The following CNNM2 variants were observed in gnomAD, a reference collection of about 807,000 sequenced individuals.
The protein encoded by CNNM2 is cyclin and CBS domain divalent metal cation transport mediator 2.
In CNNM2, 12 loss-of-function variants were observed where a neutral mutation model predicts 66.9. The observed-to-expected ratio is 0.18, with a 90% CI of 0.11 to 0.29. The LOEUF (loss-of-function observed/expected upper bound fraction) is 0.29, where lower values mean the gene tolerates loss of function less well. CNNM2 is among the 10% of genes least tolerant of loss of function. CNNM2 has a pLI of 1.00. For synonymous variants in CNNM2, 557 were observed against 501.8 expected (o/e 1.11, Z -1.47); for missense variants, 705 against 1,167.7 (o/e 0.60, Z 5.77).
intron 1 of CNNM2, among the ~76,000 whole-genome samples, chr10:102,977,776 G>A (rs903215694): frequency 2.6e-5 from 4 of 152,128 alleles, no homozygotes; most frequent in Admixed American, 6.6e-5. Context: ...AGCCAAGAGC[G>A]AGACTCTGTC....
chr10:103,054,609 T>G lies in CNNM2; in HGVS notation c.1903+143T>G. On this transcript the variant is annotated intron_variant, in intron 3 of 7. Transcript: ENST00000369878. This position sits in a 1 kb window ranked among gnomAD's most constrained non-coding sequence, Gnocchi z 5.2. ...ACTTTTGTGTTTTGTTTTTTTTGTT[T>G]TTTTGTTTTGTTTTGTTTTTTTCTT... 2 of 739,170 alleles carry G rather than the reference T, an allele frequency of 2.7e-6. No homozygotes were observed. Among genetic ancestry groups the G allele is most frequent in the Non-Finnish European group, 3.9e-6 (2 of 506,424 alleles). The allele number at this position is 739,170 out of a possible 1,614,324, so 45.8% of individuals were successfully genotyped here.
chr10:103,035,507 C>T (rs757485724), intron 1 of CNNM2, among the ~76,000 whole-genome samples: 11 of 152,042 alleles, frequency 7.2e-5, no homozygotes, highest in East Asian at 1.9e-4. Flanking sequence ...TGGGAAAATC[C>T]GAGTCTTTAA....
chr10:103,009,562 G>A (rs530831347), intron 1 of CNNM2, among the ~76,000 whole-genome samples: 1 of 148,884 alleles, frequency 6.7e-6, no homozygotes, highest in Admixed American at 6.9e-5. Context: ...ATGATGGTGT[G>A]TTCCTATAGT....
chr10:102,932,017 C>T (rs1398897539), intron 1 of CNNM2, among the ~76,000 whole-genome samples: 1 of 151,982 alleles, frequency 6.6e-6, no homozygotes, highest in Non-Finnish European at 1.5e-5. Flanking sequence ...CCATTTTTAA[C>T]TTGGGTTATT....
chr10:103,037,791 A>G (rs993799026), intron 1 of CNNM2, among the ~76,000 whole-genome samples: 3 of 152,258 alleles, frequency 2.0e-5, no homozygotes, highest in Admixed American at 2.0e-4. Context: ...CATTCAGTAA[A>G]TATCTGCCTG....
chr10:102,949,809 T>C (rs886998809), intron 1 of CNNM2, among the ~76,000 whole-genome samples: 1 of 151,590 alleles, frequency 6.6e-6, no homozygotes. Context: ...ATAATAACAA[T>C]AATAATAATA....
intron 1 of CNNM2, among the ~76,000 whole-genome samples, chr10:102,936,137 A>G (rs1273290618): frequency 6.6e-6 from 1 of 151,788 alleles, no homozygotes; most frequent in Non-Finnish European, 1.5e-5. Flanking sequence ...CAGTTTTTCC[A>G]TTTGCCCATC....
At position 103,077,209 on chromosome 10, in the gene CNNM2, G is replaced by A. The variant is rs775194107; in HGVS notation, c.*29G>A. On this transcript the variant is annotated 3_prime_UTR_variant, in exon 8 of 8. Transcript: ENST00000369878. ...GCGCTGGCTGCACCCGCCCAGGCCC[G>A]CACCCGCCCAGTCCCGAGGGCCCGG... is the stretch of plus-strand genomic sequence containing the variant. 1.6e-5 allele frequency: 25 copies of A among 1,600,448 alleles called. No individual in the cohort carries two copies. The highest frequency in any genetic ancestry group is 4.5e-5 in the East Asian group (2 of 44,796).
At chr10:102,997,454 C>A (rs933080188) in intron 1 of CNNM2, among the ~76,000 whole-genome samples, 1 of 152,070 alleles carries the variant, frequency 6.6e-6, no homozygotes, top group Admixed American at 6.6e-5. Flanking sequence ...TTTCTGTTTT[C>A]TCTTTCTGGA....
intron 1 of CNNM2, among the ~76,000 whole-genome samples, chr10:103,012,604 C>A (rs913177695): frequency 1.4e-4 from 21 of 150,448 alleles, no homozygotes; most frequent in African/African-American, 4.6e-4. Context: ...GCCGAGATTG[C>A]ACCACTGCAC....
chr10:103,025,341 G>A (rs533975893), intron 1 of CNNM2, among the ~76,000 whole-genome samples: 4 of 151,930 alleles, frequency 2.6e-5, no homozygotes, highest in South Asian at 4.2e-4. Context: ...CACCCACCTC[G>A]GCCTCCCAAA....
intron 1 of CNNM2, among the ~76,000 whole-genome samples, chr10:103,005,701 T>C (rs1190564589): frequency 2.6e-5 from 4 of 152,314 alleles, no homozygotes; most frequent in East Asian, 1.9e-4. Context: ...ACAATATTGG[T>C]AAATTCACTT....
intron 1 of CNNM2, among the ~76,000 whole-genome samples, chr10:103,019,624 A>G (rs373545735): frequency 6.6e-6 from 1 of 152,182 alleles, no homozygotes; most frequent in South Asian, 2.1e-4. Flanking sequence ...ACCATGTAGC[A>G]TTCTGTGGCC....
At chr10:103,074,996 CCTAT>C (rs772055719) in intron 6 of CNNM2, among the ~76,000 whole-genome samples, 158 of 152,310 alleles carry the variant, frequency 1.0e-3, no homozygotes, top group Non-Finnish European at 2.1e-3. Flanking sequence ...ACTCTCTTCA[CCTAT>C]CTAAGGGCTA....
At chr10:102,952,441 G>A (rs1180634611) in intron 1 of CNNM2, among the ~76,000 whole-genome samples, 2 of 151,940 alleles carry the variant, frequency 1.3e-5, no homozygotes, top group Non-Finnish European at 2.9e-5. Context: ...GCGGGTGCCT[G>A]TAGTCCCAGC....
Position 103,082,267 on chromosome 10 carries a change from C to G in CNNM2, c.*5087C>G, listed in dbSNP as rs1251065292. 6.6e-6 allele frequency: 1 copy of G among 152,226 alleles called. No homozygotes were observed. The highest frequency in any genetic ancestry group is 1.5e-5 in the Non-Finnish European group (1 of 68,066). The allele number at this position is 152,226 out of a possible 1,614,324, so 9.4% of individuals were successfully genotyped here. ...ATGGATTCACTTTTAGGATGCAGTT[C>G]TTTGGGGGCCAGATTTGGCTGCAGA... On this transcript the variant is annotated 3_prime_UTR_variant, in exon 8 of 8. Transcript: ENST00000369878.
intron 1 of CNNM2, among the ~76,000 whole-genome samples, chr10:103,025,137 G>A (rs2064676121): frequency 6.6e-6 from 1 of 152,096 alleles, no homozygotes; most frequent in African/African-American, 2.4e-5. Context: ...TGTCACCCAG[G>A]CTGGAGTGCA....
chr10:103,021,150 G>A (rs2064571352), intron 1 of CNNM2, among the ~76,000 whole-genome samples: 1 of 152,120 alleles, frequency 6.6e-6, no homozygotes, highest in African/African-American at 2.4e-5. Flanking sequence ...AGAAGGCAGT[G>A]CTTGGGAGAA....
intron 1 of CNNM2, among the ~76,000 whole-genome samples, chr10:102,922,270 T>C (rs1845670475): frequency 6.6e-6 from 1 of 152,176 alleles, no homozygotes; most frequent in African/African-American, 2.4e-5. Flanking sequence ...AAGGACAGAA[T>C]GGATATTTGT....
Sources: allele counts gnomAD v4.1 joint callset (sites outside exome capture counted in the v4.1 genomes callset), GRCh38; gene constraint gnomAD v4.1.1; non-coding constraint Gnocchi (gnomAD v3.1); transcripts MANE v1.5; gene names NCBI Gene and HGNC (gene_info 2026-07-23, HGNC 2026-07-21).